C12orf42: variants seen among roughly 807,000 people sequenced by gnomAD.
C12orf42 encodes uncharacterized protein C12orf42.
Under a neutral mutation model 21.6 loss-of-function variants are expected in C12orf42, and 25 were observed. The observed-to-expected ratio is 1.16, with a 90% CI of 0.84 to 1.62. The LOEUF (loss-of-function observed/expected upper bound fraction) is 1.62, where lower values mean the gene tolerates loss of function less well. C12orf42 is among the 40% of genes most tolerant of loss of function. C12orf42 has a pLI of 0.00. For missense variants in C12orf42, 483 were observed against 459.3 expected (o/e 1.05, Z -0.47); for synonymous variants, 174 against 175.0 (o/e 0.99, Z 0.05).
chr12:103,215,653 C>G, the C12orf42 span, among the ~76,000 whole-genome samples: 1 of 152,232 alleles, frequency 6.6e-6, no homozygotes, highest in Non-Finnish European at 1.5e-5. Flanking sequence ...GCTGGGATTT[C>G]AGGGCTGGTG....
chr12:103,430,596 A>C (rs1156951903), intron 2 of C12orf42, among the ~76,000 whole-genome samples: 1 of 152,266 alleles, frequency 6.6e-6, no homozygotes, highest in African/African-American at 2.4e-5. Context: ...CATTTGACTC[A>C]GCAAACCCAT....
At chr12:103,443,935 G>A (rs1951419827) in intron 2 of C12orf42, among the ~76,000 whole-genome samples, 1 of 152,040 alleles carries the variant, frequency 6.6e-6, no homozygotes, top group Admixed American at 6.6e-5. Context: ...CAGATTTCAT[G>A]TTGCACATTT....
chr12:103,170,322 G>C, the C12orf42 span, among the ~76,000 whole-genome samples: 1 of 152,064 alleles, frequency 6.6e-6, no homozygotes, highest in Non-Finnish European at 1.5e-5. Flanking sequence ...CTTACATGTA[G>C]TCAGATAAAA....
the C12orf42 span, among the ~76,000 whole-genome samples, chr12:103,536,606 C>T: frequency 6.6e-6 from 1 of 152,126 alleles, no homozygotes; most frequent in Non-Finnish European, 1.5e-5. Context: ...ACATGTCCAA[C>T]AACTGGGATG....
chr12:103,498,399 G>C (rs1266553983), upstream of C12orf42, among the ~76,000 whole-genome samples: 1 of 152,206 alleles, frequency 6.6e-6, no homozygotes, highest in African/African-American at 2.4e-5. Flanking sequence ...TTTCCAAATA[G>C]TCAAAAGGAG....
chr12:103,508,741 A>G, the C12orf42 span, among the ~76,000 whole-genome samples: 1 of 152,218 alleles, frequency 6.6e-6, no homozygotes, highest in Non-Finnish European at 1.5e-5. Context: ...AGGATGGCCA[A>G]TAACCTAAGC....
intron 2 of C12orf42, among the ~76,000 whole-genome samples, chr12:103,421,446 T>C (rs1215892854): frequency 6.6e-6 from 1 of 151,942 alleles, no homozygotes; most frequent in African/African-American, 2.4e-5. Flanking sequence ...TGGTGGTGTG[T>C]GCCTGTGGTC....
At chr12:103,273,646 C>G (rs2035592298) in intron 5 of C12orf42, 1 of 292,628 alleles carries the variant, frequency 3.4e-6, no homozygotes, top group African/African-American at 2.2e-5. Flanking sequence ...GATGTTTTGT[C>G]TAAAGACCCA....
At chr12:103,514,242 G>A in the C12orf42 span, among the ~76,000 whole-genome samples, 5 of 152,142 alleles carry the variant, frequency 3.3e-5, no homozygotes, top group Non-Finnish European at 5.9e-5. Context: ...TCTCTACCTG[G>A]TCCTTCCCAC....
chr12:103,204,822 T>C, the C12orf42 span, among the ~76,000 whole-genome samples: 17 of 151,882 alleles, frequency 1.1e-4, no homozygotes, highest in African/African-American at 3.4e-4. Flanking sequence ...AAGAAGAAGA[T>C]GAAAAGGCAG....
chr12:103,147,208 T>C, the C12orf42 span, among the ~76,000 whole-genome samples: 1 of 152,194 alleles, frequency 6.6e-6, no homozygotes, highest in Non-Finnish European at 1.5e-5. Flanking sequence ...AAAGCACTAA[T>C]ATATTTCTCT....
At chr12:103,378,234 T>C (rs928710432) in intron 3 of C12orf42, among the ~76,000 whole-genome samples, 1 of 152,174 alleles carries the variant, frequency 6.6e-6, no homozygotes. Flanking sequence ...GAAGGGGATA[T>C]AAATAAGTAT....
intron 4 of C12orf42, among the ~76,000 whole-genome samples, chr12:103,354,680 G>T (rs2043373197): frequency 6.6e-6 from 1 of 152,092 alleles, no homozygotes; most frequent in Non-Finnish European, 1.5e-5. Context: ...AGAATAAGTT[G>T]GGGCATTCTA....
the C12orf42 span, among the ~76,000 whole-genome samples, chr12:103,180,690 G>A: frequency 3.7e-5 from 5 of 135,262 alleles, no homozygotes; most frequent in Admixed American, 8.4e-5. Context: ...GTGCAATGGC[G>A]TGATCTCGGC....
intron 3 of C12orf42, among the ~76,000 whole-genome samples, chr12:103,399,481 A>G (rs202200121): frequency 6.8e-6 from 1 of 146,574 alleles, no homozygotes; most frequent in Non-Finnish European, 1.5e-5. Flanking sequence ...TAGAATTACT[A>G]TATGATCCAG....
At chr12:103,086,252 T>C in the C12orf42 span, among the ~76,000 whole-genome samples, 2 of 152,184 alleles carry the variant, frequency 1.3e-5, no homozygotes, top group East Asian at 3.9e-4. Flanking sequence ...TTACTTTACT[T>C]AATTAATCTG....
the C12orf42 span, among the ~76,000 whole-genome samples, chr12:103,164,998 G>C: frequency 6.6e-6 from 1 of 152,226 alleles, no homozygotes; most frequent in Admixed American, 6.5e-5. Context: ...CCCTGAAAGA[G>C]CCAGTCTGTA....
chr12:103,099,417 TA>T, the C12orf42 span, among the ~76,000 whole-genome samples: 1 of 152,174 alleles, frequency 6.6e-6, no homozygotes, highest in Non-Finnish European at 1.5e-5. Flanking sequence ...ACCAATAATT[TA>T]AAAATCCAGT....
the C12orf42 span, among the ~76,000 whole-genome samples, chr12:103,058,511 C>T: frequency 6.6e-6 from 1 of 152,192 alleles, no homozygotes; most frequent in Non-Finnish European, 1.5e-5. Flanking sequence ...GAACTCTCCA[C>T]CACAAATCAA....
Sources: allele counts gnomAD v4.1 joint callset (sites outside exome capture counted in the v4.1 genomes callset), GRCh38; gene constraint gnomAD v4.1.1; transcripts MANE v1.5; gene names NCBI Gene and HGNC (gene_info 2026-07-23, HGNC 2026-07-21).